SP140: variants seen among roughly 807,000 people sequenced by gnomAD.
SP140 encodes the protein SP140 nuclear body protein, also known as nuclear body protein SP140.
SP140 carries 81 observed loss-of-function variants against 125.0 expected under a neutral mutation model. That is an observed-to-expected ratio of 0.65 (90% CI 0.54 to 0.78). The LOEUF (loss-of-function observed/expected upper bound fraction) is 0.78. Ranked by LOEUF, SP140 falls within the 30% of genes least tolerant of loss-of-function variation. The probability of loss-of-function intolerance (pLI) is 0.00; values close to 1 mark genes in which losing one functional copy is unlikely to be tolerated. For missense variants in SP140, 858 were observed against 1,037.0 expected (o/e 0.83, Z 2.37); for synonymous variants, 312 against 354.0 (o/e 0.88, Z 1.33).
intron 4 of SP140, 92 bp from the exon 5 acceptor site, chr2:230,243,639 G>A: frequency 2.0e-6 from 2 of 1,022,388 alleles, no homozygotes; most frequent in Non-Finnish European, 3.0e-6. Context: ...AGATTATCAG[G>A]TTTTCTTAGT....
intron 9 of SP140, among the ~76,000 whole-genome samples, chr2:230,250,281 T>C (rs1393629463): frequency 6.6e-6 from 1 of 152,228 alleles, no homozygotes; most frequent in Non-Finnish European, 1.5e-5. Flanking sequence ...TGATCTTTGC[T>C]GCACAGGATT....
chr2:230,250,269 G>C (rs537061209), intron 9 of SP140, among the ~76,000 whole-genome samples: 1 of 152,114 alleles, frequency 6.6e-6, no homozygotes, highest in Non-Finnish European at 1.5e-5. Context: ...CCTTAGACGC[G>C]GTGATCTTTG....
At chr2:230,214,862 C>T (rs1245896490) in intron 3 of SP140, 96 of 1,079,698 alleles carry the variant, frequency 8.9e-5, no homozygotes, top group South Asian at 7.3e-4. Flanking sequence ...GGGGGATTAA[C>T]GTGCATATTC....
chr2:230,309,387 C>G (rs923078424), intron 22 of SP140, among the ~76,000 whole-genome samples: 7 of 152,050 alleles, frequency 4.6e-5, no homozygotes, highest in Non-Finnish European at 7.4e-5. Context: ...GTCCTTCCCC[C>G]TCAGAGGTCG....
intron 3 of SP140, among the ~76,000 whole-genome samples, chr2:230,219,207 A>G (rs1313599675): frequency 1.3e-5 from 2 of 152,268 alleles, no homozygotes; most frequent in East Asian, 1.9e-4. Context: ...CCTGGGTGAC[A>G]GAGCGAGACT....
chr2:230,220,423 A>C (rs1421046349), intron 3 of SP140, among the ~76,000 whole-genome samples: 2 of 152,192 alleles, frequency 1.3e-5, no homozygotes, highest in African/African-American at 2.4e-5. Context: ...CAAAAAAACA[A>C]AGAGAATGTG....
chr2:230,270,583 C>T lies in SP140; in HGVS notation c.1445-3C>T. ...TTCCTCACCACCACTTGTTATTTTCCAGATACTGTGGATATTGCAAACAAC... is the reference window on the plus strand; with the variant it reads ...TTCCTCACCACCACTTGTTATTTTCTAGATACTGTGGATATTGCAAACAAC... On this transcript the variant is annotated splice_polypyrimidine_tract_variant and splice_region_variant and intron_variant, in intron 14 of 26. Transcript: ENST00000392045. 3 of 1,606,552 alleles carry T rather than the reference C, an allele frequency of 1.9e-6. No homozygotes were observed. The highest frequency in any genetic ancestry group is 2.5e-6 in the Non-Finnish European group (3 of 1,176,702).
intron 3 of SP140, chr2:230,220,023 A>G (rs2045667281): frequency 2.0e-6 from 2 of 985,470 alleles, no homozygotes; most frequent in African/African-American, 1.7e-5. Flanking sequence ...CTTCCGAGAA[A>G]AGAAAAGTGA....
intron 21 of SP140, among the ~76,000 whole-genome samples, chr2:230,296,066 C>A (rs995602983): frequency 7.9e-6 from 1 of 126,582 alleles, no homozygotes; most frequent in East Asian, 2.0e-4. Context: ...TAGTGAGATA[C>A]CATCTCTACC....
chr2:230,229,993 T>C (rs2047019386), intron 1 of SP140, among the ~76,000 whole-genome samples: 2 of 152,208 alleles, frequency 1.3e-5, no homozygotes, highest in African/African-American at 4.8e-5. Context: ...TTTCGTATTC[T>C]GCAGTTTGAA....
intron 22 of SP140, among the ~76,000 whole-genome samples, chr2:230,302,756 A>T (rs1446638081): frequency 6.6e-6 from 1 of 152,160 alleles, no homozygotes; most frequent in African/African-American, 2.4e-5. Flanking sequence ...TCCAAAAGGA[A>T]CCCTCAAAAC....
At chr2:230,252,314 T>G (rs1168512088) in intron 10 of SP140, among the ~76,000 whole-genome samples, 1 of 151,918 alleles carries the variant, frequency 6.6e-6, no homozygotes, top group Non-Finnish European at 1.5e-5. Flanking sequence ...GAAGGACAGT[T>G]GCCTTCATAG....
chr2:230,275,615 AAATTAAGTC>A (rs1234449078), intron 15 of SP140, among the ~76,000 whole-genome samples: 4 of 152,164 alleles, frequency 2.6e-5, no homozygotes, highest in Non-Finnish European at 5.9e-5. Context: ...AAAAATATGG[AAATTAAGTC>A]AATTAATAAT....
At chr2:230,236,387 T>C (rs1220930521) in intron 1 of SP140, among the ~76,000 whole-genome samples, 1 of 152,218 alleles carries the variant, frequency 6.6e-6, no homozygotes, top group Non-Finnish European at 1.5e-5. Context: ...TCTTTCTCTG[T>C]AAGTTAAAGT....
chr2:230,194,094 C>T, the SP140 span, among the ~76,000 whole-genome samples: 5 of 152,044 alleles, frequency 3.3e-5, no homozygotes, highest in Non-Finnish European at 7.4e-5. Context: ...ATATGACTTT[C>T]CTTCTAGGCC....
chr2:230,279,390 G>A (rs1471257677), intron 15 of SP140, among the ~76,000 whole-genome samples: 3 of 151,848 alleles, frequency 2.0e-5, no homozygotes, highest in Non-Finnish European at 4.4e-5. Context: ...ACAAACTGGA[G>A]GCATCATACT....
rs766256859 is a variant in SP140 at position 230,287,937 on chromosome 2, G to T, written c.1691G>T (p.Arg564Ile). Residue 564 changes from arginine to isoleucine, a missense_variant, in exon 18 of 27, where the codon AGA (arginine) becomes ATA (isoleucine). Physicochemically the swap from Arg to Ile is moderately conservative, Grantham distance 97. Transcript: ENST00000392045. ...GGAACCCGCTTCACTCAGAGTGACA[G>T]AGCTGCACAGAAAAGAGTCCGATCA... The part of the protein sequence containing the change: ...KPGTRFTQSD[R>I]AAQKRVRSRA... 4.8e-5 allele frequency: 77 copies of T among 1,612,376 alleles called. 1 individual carries two copies. The highest frequency in any genetic ancestry group is 5.8e-5 in the Non-Finnish European group (68 of 1,179,686).
chr2:230,243,757 G>T lies in SP140; in HGVS notation c.517G>T (p.Asp173Tyr), dbSNP rs2149159630. Residue 173 changes from aspartate (D) to tyrosine (Y), a missense_variant, in exon 5 of 27, where the codon GAT (aspartate) becomes TAT (tyrosine). Physicochemically the swap from Asp to Tyr is radical, Grantham distance 160 (BLOSUM62 -3). Around this residue, in one of 4 missense-constraint regions of SP140, gnomAD observed 791 missense variants for 869.5 expected, o/e 0.91. Transcript: ENST00000392045. ...GAACAGCAATGCCTGTCATGAAATGGATGATATAGCAGTGCCTCAGGAAGC... is the reference window on the plus strand; with the variant it reads ...GAACAGCAATGCCTGTCATGAAATGTATGATATAGCAGTGCCTCAGGAAGC... The part of the protein sequence containing the change: ...QENSNACHEM[D>Y]DIAVPQEALS... 1 of 1,612,980 alleles carries T rather than the reference G, an allele frequency of 6.2e-7. No individual in the cohort carries two copies. Among genetic ancestry groups the T allele is most frequent in the East Asian group, 2.2e-5 (1 of 44,870 alleles).
chr2:230,190,238 T>C, the SP140 span, among the ~76,000 whole-genome samples: 1 of 152,214 alleles, frequency 6.6e-6, no homozygotes, highest in Non-Finnish European at 1.5e-5. Context: ...TTCTTAATAA[T>C]TGTCATTCTG....
Sources: allele counts gnomAD v4.1 joint callset (sites outside exome capture counted in the v4.1 genomes callset), GRCh38; gene constraint gnomAD v4.1.1; regional missense constraint gnomAD v4.1.1; transcripts MANE v1.5; gene names NCBI Gene and HGNC (gene_info 2026-07-23, HGNC 2026-07-21).